Variants in NKAIN2 observed in about 807,000 individuals in gnomAD.
The protein encoded by NKAIN2 is sodium/potassium-transporting ATPase subunit beta-1-interacting protein 2.
NKAIN2 carries 14 observed loss-of-function variants against 32.6 expected under a neutral mutation model. The ratio of observed to expected loss-of-function variants is 0.43; its 90% CI spans 0.28 to 0.67. The LOEUF (loss-of-function observed/expected upper bound fraction) is 0.67. Ranked by LOEUF, NKAIN2 falls within the 30% of genes least tolerant of loss-of-function variation. NKAIN2 has a pLI of 0.17. For synonymous variants in NKAIN2, 80 were observed against 87.2 expected, an observed-to-expected ratio of 0.92 and a Z score of 0.46; for missense variants, 198 against 258.3, an observed-to-expected ratio of 0.77 and a Z score of 1.60.
chr6:124,107,987 T>C (rs895496848), intron 1 of NKAIN2, among the ~76,000 whole-genome samples: 1 of 152,126 alleles, frequency 6.6e-6, no homozygotes, highest in African/African-American at 2.4e-5. Context: ...GCAATGGACA[T>C]GTGAGGTCAA....
At chr6:124,253,219 T>G (rs1793767226) in intron 1 of NKAIN2, among the ~76,000 whole-genome samples, 1 of 152,196 alleles carries the variant, frequency 6.6e-6, no homozygotes, top group Non-Finnish European at 1.5e-5. Flanking sequence ...CATTTTCCAC[T>G]AATTGTATTT....
intron 3 of NKAIN2, among the ~76,000 whole-genome samples, chr6:124,638,117 C>T (rs1218876561): frequency 6.6e-6 from 1 of 152,160 alleles, no homozygotes; most frequent in Non-Finnish European, 1.5e-5. Flanking sequence ...CATGTATTCA[C>T]AGCTGACAGA....
intron 3 of NKAIN2, among the ~76,000 whole-genome samples, chr6:124,558,577 G>T (rs971469941): frequency 6.6e-6 from 1 of 152,126 alleles, no homozygotes; most frequent in Non-Finnish European, 1.5e-5. Context: ...TGGAATGAAA[G>T]CCTGATCTGC....
chr6:123,875,686 A>G (rs1773138462), intron 1 of NKAIN2, among the ~76,000 whole-genome samples: 1 of 152,008 alleles, frequency 6.6e-6, no homozygotes. Flanking sequence ...GTTTTATCCC[A>G]TATTTCAGTG....
intron 1 of NKAIN2, among the ~76,000 whole-genome samples, chr6:124,196,702 T>G (rs1790332251): frequency 6.6e-6 from 1 of 152,130 alleles, no homozygotes; most frequent in African/African-American, 2.4e-5. Flanking sequence ...TGTTACATTT[T>G]GATCTTAATT....
intron 1 of NKAIN2, among the ~76,000 whole-genome samples, chr6:124,142,918 C>T (rs1787213497): frequency 6.6e-6 from 1 of 152,040 alleles, no homozygotes; most frequent in Non-Finnish European, 1.5e-5. Context: ...GATGCAGCAA[C>T]CGGTAAAAGG....
chr6:123,831,030 A>C (rs1774358342), intron 1 of NKAIN2, among the ~76,000 whole-genome samples: 1 of 152,200 alleles, frequency 6.6e-6, no homozygotes. Flanking sequence ...ACTTTATGGA[A>C]CAATGCAAGT....
chr6:123,862,105 C>T (rs553286015), intron 1 of NKAIN2, among the ~76,000 whole-genome samples: 79 of 152,146 alleles, frequency 5.2e-4, no homozygotes, highest in Non-Finnish European at 1.0e-3. Flanking sequence ...TCACTTACTA[C>T]AGTTCAAATT....
At position 124,722,023 on chromosome 6, in the gene NKAIN2, C is replaced by T. The variant is rs1056016049; in HGVS notation, c.474+63637C>T. On this transcript the variant is annotated intron_variant, in intron 4 of 6. Transcript: ENST00000368417. ...CTGGCAGCCACCATTCTACTTTCTC[C>T]TCCATGATTTTGACTACTCAGCGTA... 1.2e-4 allele frequency among the ~76,000 whole-genome samples: 18 copies of T among 152,182 alleles called. 1 individual carries two copies. The highest frequency in any genetic ancestry group is 2.9e-5 in the Non-Finnish European group (2 of 68,030).
intron 3 of NKAIN2, chr6:124,490,508 T>TAAATACAA: frequency 3.2e-5 from 11 of 340,340 alleles, no homozygotes; most frequent in South Asian, 2.8e-4. Context: ...AAAATGCATT[T>TAAATACAA]AAATACAAAT....
At chr6:124,540,020 C>T (rs1196299396) in intron 3 of NKAIN2, among the ~76,000 whole-genome samples, 6 of 152,150 alleles carry the variant, frequency 3.9e-5, no homozygotes, top group Non-Finnish European at 8.8e-5. Flanking sequence ...CACGCCCAGC[C>T]AAAGATGTAT....
At chr6:124,285,078 T>C (rs1795475437) in intron 2 of NKAIN2, among the ~76,000 whole-genome samples, 1 of 152,198 alleles carries the variant, frequency 6.6e-6, no homozygotes. Flanking sequence ...TCTGAGGCTA[T>C]TAGACACAAC....
intron 5 of NKAIN2, among the ~76,000 whole-genome samples, chr6:124,813,522 G>A (rs898491705): frequency 1.1e-4 from 17 of 152,052 alleles, no homozygotes; most frequent in Admixed American, 3.9e-4. Flanking sequence ...TGTTGATAAC[G>A]TTCCAAAAAT....
rs559665995 is a variant in NKAIN2 at position 124,373,185 on chromosome 6, G to A, written c.273+17838G>A. Among the ~76,000 whole-genome samples, 317 of 152,128 alleles carry A rather than the reference G, an allele frequency of 2.1e-3. 1 individual carries two copies. The highest frequency in any genetic ancestry group is 3.4e-3 in the Middle Eastern group (1 of 294). On this transcript the variant is annotated intron_variant, in intron 3 of 6. Transcript: ENST00000368417. ...TAAGATTACATCTAGTTATATTCTC[G>A]ATATCATAAAGTTAGTGCTACAAGA... is the stretch of plus-strand genomic sequence containing the variant.
intron 3 of NKAIN2, among the ~76,000 whole-genome samples, chr6:124,439,661 G>T: frequency 6.6e-6 from 1 of 151,126 alleles, no homozygotes; most frequent in African/African-American, 2.4e-5. Context: ...TGTTTTGGAT[G>T]TAAAATAAGT....
chr6:124,474,980 CAT>C (rs143166006), intron 3 of NKAIN2, among the ~76,000 whole-genome samples: 19 of 148,272 alleles, frequency 1.3e-4, no homozygotes, highest in African/African-American at 4.7e-4. Context: ...GACACGCATG[CAT>C]ATATATATAT....
intron 1 of NKAIN2, among the ~76,000 whole-genome samples, chr6:124,257,787 T>TC (rs1794019660): frequency 6.6e-6 from 1 of 150,420 alleles, no homozygotes; most frequent in African/African-American, 2.4e-5. Context: ...TTTCTTTTTT[T>TC]TTTTTTTTGA....
chr6:124,419,865 T>C (rs1774668546), intron 3 of NKAIN2, among the ~76,000 whole-genome samples: 1 of 152,104 alleles, frequency 6.6e-6, no homozygotes, highest in Non-Finnish European at 1.5e-5. Flanking sequence ...TATCTTTAAC[T>C]ACAAATACAA....
At chr6:124,430,368 A>T (rs1775163570) in intron 3 of NKAIN2, among the ~76,000 whole-genome samples, 1 of 152,166 alleles carries the variant, frequency 6.6e-6, no homozygotes, top group African/African-American at 2.4e-5. Flanking sequence ...AAATTTAGTG[A>T]TTTACAATAA....
Sources: gnomAD v4.1 joint callset for allele counts (sites outside exome capture counted in the v4.1 genomes callset) on GRCh38, gnomAD v4.1.1 for gene constraint, MANE v1.5 for transcripts, NCBI Gene and HGNC (gene_info 2026-07-23, HGNC 2026-07-21) for gene names.